PDE10A: variants seen among roughly 807,000 people sequenced by gnomAD.
PDE10A encodes cAMP and cAMP-inhibited cGMP 3',5'-cyclic phosphodiesterase 10A.
PDE10A carries 39 observed loss-of-function variants against 97.7 expected under a neutral mutation model. The observed-to-expected ratio is 0.40, with a 90% CI of 0.31 to 0.52. The LOEUF (loss-of-function observed/expected upper bound fraction) is 0.52. PDE10A is among the 20% of genes least tolerant of loss of function. The pLI, the probability that PDE10A is intolerant of heterozygous loss-of-function variation, is 0.56. For synonymous variants in PDE10A, 371 were observed against 376.8 expected (o/e 0.98, Z 0.18); for missense variants, 731 against 1,047.8 (o/e 0.70, Z 4.17).
chr6:165,447,641 C>T (rs559694115), intron 5 of PDE10A, among the ~76,000 whole-genome samples: 1 of 152,144 alleles, frequency 6.6e-6, no homozygotes, highest in Non-Finnish European at 1.5e-5. Flanking sequence ...TTTTAATGCA[C>T]CGAAAAGAAG....
At position 165,430,360 on chromosome 6, in the gene PDE10A, A is replaced by G. The variant is rs1194344379; in HGVS notation, c.1543-15T>C. The G allele has an allele frequency of 8.0e-6, 12 of 1,495,208 alleles. No homozygotes were observed. The highest frequency in any genetic ancestry group is 1.1e-5 in the Non-Finnish European group (12 of 1,077,850). 92.6% of individuals were successfully genotyped at this position (1,495,208 alleles called of 1,614,324 possible). A position where few individuals can be genotyped will look rare whatever the true frequency, so the allele number is the denominator to read the frequency against. Reference sequence around the variant, plus strand: ...CCTCTGCATACCTACCATATAAAATAATAGGTACAATTACAAGAGATTTCT... The same window carrying G: ...CCTCTGCATACCTACCATATAAAATGATAGGTACAATTACAAGAGATTTCT... On this transcript the variant is annotated splice_polypyrimidine_tract_variant and intron_variant, in intron 8 of 21. Transcript: ENST00000539869.
At chr6:165,709,307 GCT>G (rs1791822497) in intron 1 of PDE10A, among the ~76,000 whole-genome samples, 1 of 114,530 alleles carries the variant, frequency 8.7e-6, no homozygotes, top group South Asian at 3.1e-4. Context: ...ATGCTGCGGC[GCT>G]CTCCCCCCAC....
chr6:165,343,998 G>A (rs910597325), intron 18 of PDE10A, among the ~76,000 whole-genome samples: 1 of 152,188 alleles, frequency 6.6e-6, no homozygotes, highest in Non-Finnish European at 1.5e-5. Flanking sequence ...AGGTAGCTGT[G>A]CAACCTGGTT....
chr6:165,648,334 A>T (rs558025685), intron 1 of PDE10A, among the ~76,000 whole-genome samples: 1 of 152,120 alleles, frequency 6.6e-6, no homozygotes, highest in South Asian at 2.1e-4. Flanking sequence ...TTCTTAACAC[A>T]TCAGACCATC....
chr6:165,907,672 G>A (rs1782332833), intron 1 of PDE10A, among the ~76,000 whole-genome samples: 1 of 152,216 alleles, frequency 6.6e-6, no homozygotes, highest in Non-Finnish European at 1.5e-5. Context: ...GCAAGAAGGA[G>A]GAATAAAGCA....
chr6:165,842,007 T>C (rs1362058858), intron 1 of PDE10A, among the ~76,000 whole-genome samples: 6 of 152,174 alleles, frequency 3.9e-5, no homozygotes. Context: ...AAAACTCTGA[T>C]AGAATACAAA....
intron 1 of PDE10A, among the ~76,000 whole-genome samples, chr6:165,657,268 T>C (rs985149532): frequency 6.6e-6 from 1 of 152,270 alleles, no homozygotes; most frequent in Non-Finnish European, 1.5e-5. Context: ...GGATACCTTC[T>C]GATTTCCTTG....
At chr6:165,759,777 A>G (rs1426704937) in intron 1 of PDE10A, among the ~76,000 whole-genome samples, 1 of 152,184 alleles carries the variant, frequency 6.6e-6, no homozygotes, top group African/African-American at 2.4e-5. Flanking sequence ...ACCCCACCCA[A>G]AGTAGTTTAC....
chr6:165,653,460 G>A (rs1173263687), intron 1 of PDE10A, among the ~76,000 whole-genome samples: 4 of 152,204 alleles, frequency 2.6e-5, no homozygotes, highest in Non-Finnish European at 1.5e-5. Flanking sequence ...CAGTCAGGAG[G>A]ATACCATGAC....
chr6:165,800,193 G>A (rs1466731970), intron 1 of PDE10A, among the ~76,000 whole-genome samples: 1 of 152,156 alleles, frequency 6.6e-6, no homozygotes, highest in Non-Finnish European at 1.5e-5. Flanking sequence ...AAGCAAGGAG[G>A]TGTCATTCTG....
intron 1 of PDE10A, among the ~76,000 whole-genome samples, chr6:165,956,446 T>A (rs920044763): frequency 5.3e-5 from 8 of 152,212 alleles, no homozygotes; most frequent in African/African-American, 1.7e-4. Flanking sequence ...CTAGTATCTC[T>A]AAAAACTGAA....
chr6:165,918,563 C>A lies in PDE10A; in HGVS notation c.-615+68966G>T, dbSNP rs115266247. Among the ~76,000 whole-genome samples, 916 of 152,298 alleles carry A rather than the reference C, an allele frequency of 6.0e-3. 9 individuals carry two copies. The highest frequency in any genetic ancestry group is 0.019 in the African/African-American group (808 of 41,574). ...TATTTTCACAGAATTGCTTGAATGA[C>A]AAACTGATTTTTGTACTTAAGTTAT... On this transcript the variant is annotated intron_variant, in intron 1 of 19. Coordinates refer to the PDE10A transcript ENST00000366882.
chr6:165,418,558 A>G lies in PDE10A; in HGVS notation c.1796+77T>C. On this transcript the variant is annotated intron_variant, in intron 11 of 21. Transcript: ENST00000539869. This position sits in a 1 kb window ranked among gnomAD's most constrained non-coding sequence, Gnocchi z 4.8. ...ACAAGTATTGTCAGCATACCTGTGAATAGGCACAGAAAAATGGGTAACGGA... is the reference window on the plus strand; with the variant it reads ...ACAAGTATTGTCAGCATACCTGTGAGTAGGCACAGAAAAATGGGTAACGGA... The G allele has an allele frequency of 7.4e-7, 1 of 1,348,374 alleles. No homozygotes were observed. Among genetic ancestry groups the G allele is most frequent in the South Asian group, 1.2e-5 (1 of 83,318 alleles). 83.5% of individuals were successfully genotyped at this position (1,348,374 alleles called of 1,614,324 possible). A position where few individuals can be genotyped will look rare whatever the true frequency, so the allele number is the denominator to read the frequency against.
At chr6:165,428,111 A>G (rs917096499) in intron 10 of PDE10A, among the ~76,000 whole-genome samples, 2 of 152,184 alleles carry the variant, frequency 1.3e-5, no homozygotes, top group African/African-American at 4.8e-5. Context: ...ATAACAGGGC[A>G]CAAATGGTAA....
chr6:165,898,324 C>T lies in PDE10A; in HGVS notation c.-615+89205G>A, dbSNP rs540748655. On this transcript the variant is annotated intron_variant, in intron 1 of 19. Transcript: ENST00000366882. The stretch of plus-strand genomic sequence containing the variant: ...AGCTCCTGACTGCCTGGAAATGAAC[C>T]GCACAACGCAGCACCTGGTATAGCC... Among the ~76,000 whole-genome samples, 233 of 152,240 alleles carry T rather than the reference C, an allele frequency of 1.5e-3. 1 individual carries two copies. The highest frequency in any genetic ancestry group is 4.9e-3 in the African/African-American group (204 of 41,530).
chr6:165,896,253 T>C (rs1781945427), intron 1 of PDE10A, among the ~76,000 whole-genome samples: 1 of 152,208 alleles, frequency 6.6e-6, no homozygotes, highest in East Asian at 1.9e-4. Flanking sequence ...ACAGATCTTG[T>C]CGTCCTACTA....
intron 1 of PDE10A, among the ~76,000 whole-genome samples, chr6:165,784,964 A>G (rs1166048436): frequency 6.6e-6 from 1 of 152,222 alleles, no homozygotes; most frequent in East Asian, 1.9e-4. Flanking sequence ...GCTGTCCTTT[A>G]TCCCGCAAAG....
intron 1 of PDE10A, among the ~76,000 whole-genome samples, chr6:165,602,022 A>G (rs1018245316): frequency 6.6e-6 from 1 of 152,188 alleles, no homozygotes; most frequent in African/African-American, 2.4e-5. Flanking sequence ...CAGGTTAATA[A>G]GATAAGTTTG....
chr6:165,409,179 A>G (rs1787501097), intron 13 of PDE10A, among the ~76,000 whole-genome samples: 1 of 151,848 alleles, frequency 6.6e-6, no homozygotes, highest in African/African-American at 2.4e-5. Context: ...AAAAAAAAAA[A>G]AAAGAAAAAA....
Sources: allele counts gnomAD v4.1 joint callset (sites outside exome capture counted in the v4.1 genomes callset), GRCh38; gene constraint gnomAD v4.1.1; non-coding constraint Gnocchi (gnomAD v3.1); transcripts MANE v1.5; gene names NCBI Gene and HGNC (gene_info 2026-07-23, HGNC 2026-07-21).